AGBL4: variants seen among roughly 807,000 people sequenced by gnomAD.
AGBL4 encodes AGBL carboxypeptidase 4.
AGBL4 carries 58 observed loss-of-function variants against 66.4 expected under a neutral mutation model. That is an observed-to-expected ratio of 0.87 (90% CI 0.71 to 1.09). The LOEUF is 1.09. AGBL4 is among the 50% of genes least tolerant of loss of function. AGBL4 has a pLI of 0.00. For missense variants in AGBL4, 579 were observed against 631.0 expected (o/e 0.92, Z 0.88); for synonymous variants, 234 against 222.9 (o/e 1.05, Z -0.44).
At chr1:49,910,366 AG>A (rs1650692746) in intron 1 of AGBL4, among the ~76,000 whole-genome samples, 1 of 152,226 alleles carries the variant, frequency 6.6e-6, no homozygotes, top group Non-Finnish European at 1.5e-5. Context: ...GGTAAACTGG[AG>A]GTCACTGATG....
chr1:48,526,743 T>C, the AGBL4 span, among the ~76,000 whole-genome samples: 2 of 152,148 alleles, frequency 1.3e-5, no homozygotes, highest in Non-Finnish European at 2.9e-5. Flanking sequence ...TTTTTACTAG[T>C]AGTAATAGCA....
At chr1:49,098,287 G>A (rs1645142668) in intron 4 of AGBL4, among the ~76,000 whole-genome samples, 1 of 152,186 alleles carries the variant, frequency 6.6e-6, no homozygotes, top group African/African-American at 2.4e-5. Context: ...TCTGAAAAAG[G>A]GAGGACGATT....
chr1:49,567,028 C>T (rs940391338), intron 3 of AGBL4, among the ~76,000 whole-genome samples: 2 of 152,224 alleles, frequency 1.3e-5, no homozygotes, highest in African/African-American at 4.8e-5. Context: ...GCCTCACTGC[C>T]ACCTTGCAGT....
intron 12 of AGBL4, among the ~76,000 whole-genome samples, chr1:48,535,466 C>T (rs760125129): frequency 1.6e-4 from 25 of 152,132 alleles, no homozygotes; most frequent in Admixed American, 9.2e-4. Context: ...TTGATGTGTA[C>T]GCTTTTTCTC....
intron 1 of AGBL4, chr1:49,995,444 C>A: frequency 2.7e-6 from 1 of 373,986 alleles, no homozygotes; most frequent in South Asian, 2.0e-5. Context: ...GAACACAACT[C>A]CACTGGGCTG....
In AGBL4 at chr1:49,732,405, C is replaced by A. The variant is rs377399518; in HGVS notation, c.158-34968G>T. ...TCTCAACAAAAATTTAAAAGACAAG[C>A]AAAGAAACAAAAATGTAACTAAATC... On this transcript the variant is annotated intron_variant, in intron 2 of 13. Coordinates refer to ENST00000371839, the MANE Select transcript of AGBL4 (RefSeq NM_032785.4). 3.3e-4 allele frequency among the ~76,000 whole-genome samples: 50 copies of A among 152,142 alleles called. 1 individual carries two copies. In the South Asian group the frequency reaches 9.5e-3, roughly 29 times the overall value.
chr1:48,782,061 G>A (rs949394569), intron 6 of AGBL4, among the ~76,000 whole-genome samples: 3 of 152,186 alleles, frequency 2.0e-5, no homozygotes, highest in South Asian at 2.1e-4. Context: ...TTGGCTCTGG[G>A]GAGCCCTGGA....
At chr1:49,778,804 C>T (rs932919552) in intron 2 of AGBL4, among the ~76,000 whole-genome samples, 3 of 151,990 alleles carry the variant, frequency 2.0e-5, no homozygotes, top group African/African-American at 7.2e-5. Flanking sequence ...CTGGGAACTC[C>T]AAAAGGGGGG....
chr1:48,663,330 T>A, intron 6 of AGBL4, 89 bp from the exon 7 acceptor site: 1 of 1,219,216 alleles, frequency 8.2e-7, no homozygotes, highest in Non-Finnish European at 1.2e-6. Flanking sequence ...CCAGAGGGAA[T>A]GGGCTGGATG....
chr1:48,662,623 C>T (rs1646126146), intron 7 of AGBL4, among the ~76,000 whole-genome samples: 1 of 152,176 alleles, frequency 6.6e-6, no homozygotes, highest in African/African-American at 2.4e-5. Flanking sequence ...AACAGAAACA[C>T]TTGAGAATAA....
intron 2 of AGBL4, among the ~76,000 whole-genome samples, chr1:49,725,612 CA>C (rs934521405): frequency 2.7e-5 from 4 of 150,684 alleles, no homozygotes; most frequent in Non-Finnish European, 1.5e-5. Flanking sequence ...ATGCTAAAGC[CA>C]AATTACTCAA....
At chr1:48,900,946 G>T (rs760626966) in intron 5 of AGBL4, among the ~76,000 whole-genome samples, 11 of 152,020 alleles carry the variant, frequency 7.2e-5, no homozygotes, top group Non-Finnish European at 1.6e-4. Flanking sequence ...TAGATTAGGA[G>T]AAAATATTTG....
chr1:48,945,678 CA>C (rs1656440237), intron 5 of AGBL4, among the ~76,000 whole-genome samples: 1 of 152,124 alleles, frequency 6.6e-6, no homozygotes, highest in Non-Finnish European at 1.5e-5. Flanking sequence ...CTTTATTTTT[CA>C]AAATCTGACT....
At chr1:49,075,428 T>A (rs1644691125) in intron 4 of AGBL4, among the ~76,000 whole-genome samples, 1 of 152,144 alleles carries the variant, frequency 6.6e-6, no homozygotes, top group Non-Finnish European at 1.5e-5. Context: ...ATAACCCAGT[T>A]TTTTGGGCAA....
chr1:49,607,466 A>C (rs1177337129), intron 3 of AGBL4, among the ~76,000 whole-genome samples: 1 of 152,122 alleles, frequency 6.6e-6, no homozygotes, highest in African/African-American at 2.4e-5. Flanking sequence ...ATTCCTTTGC[A>C]TACACCATTC....
At chr1:49,768,522 A>T (rs1001850367) in intron 2 of AGBL4, among the ~76,000 whole-genome samples, 9 of 152,194 alleles carry the variant, frequency 5.9e-5, no homozygotes, top group Admixed American at 1.3e-4. Context: ...AAAAGAGCAC[A>T]CATCCAAATG....
intron 6 of AGBL4, among the ~76,000 whole-genome samples, chr1:48,845,704 A>C (rs1011289890): frequency 3.9e-5 from 6 of 152,196 alleles, no homozygotes; most frequent in Non-Finnish European, 8.8e-5. Flanking sequence ...GAGCATCTAT[A>C]TGCCAGTAGA....
chr1:48,680,749 T>G (rs997157395), intron 6 of AGBL4, among the ~76,000 whole-genome samples: 1 of 152,168 alleles, frequency 6.6e-6, no homozygotes, highest in Non-Finnish European at 1.5e-5. Context: ...GAGACTGTGG[T>G]GAGTGACAAG....
At chr1:49,782,833 A>C (rs1220434113) in intron 2 of AGBL4, among the ~76,000 whole-genome samples, 1 of 152,172 alleles carries the variant, frequency 6.6e-6, no homozygotes, top group Admixed American at 6.5e-5. Context: ...ATGATGCAGC[A>C]AGAAGTCCCT....
Sources: allele counts gnomAD v4.1 joint callset (sites outside exome capture counted in the v4.1 genomes callset), GRCh38; gene constraint gnomAD v4.1.1; transcripts MANE v1.5; gene names NCBI Gene and HGNC (gene_info 2026-07-23, HGNC 2026-07-21).